Variants in PSME4 observed in about 807,000 individuals in gnomAD.
PSME4 encodes the protein proteasome activator subunit 4.
In PSME4, 89 loss-of-function variants were observed where a neutral mutation model predicts 253.9. The ratio of observed to expected loss-of-function variants is 0.35; its 90% CI spans 0.30 to 0.42. PSME4 has a LOEUF of 0.42. Ranked by LOEUF, PSME4 falls within the 10% of genes least tolerant of loss-of-function variation. The pLI is 1.00. For synonymous variants in PSME4, 851 were observed against 759.2 expected, an observed-to-expected ratio of 1.12 and a Z score of -1.99; for missense variants, 2,014 against 2,195.2, an observed-to-expected ratio of 0.92 and a Z score of 1.65.
chr2:53,952,370 T>C (rs1048688063), intron 1 of PSME4, among the ~76,000 whole-genome samples: 1 of 152,072 alleles, frequency 6.6e-6, no homozygotes, highest in African/African-American at 2.4e-5. Context: ...ATGAAACCCC[T>C]GTCTCTACTA....
chr2:53,922,392 C>T, intron 17 of PSME4, 125 bp downstream of exon 17: 3 of 898,202 alleles, frequency 3.3e-6, no homozygotes, highest in Non-Finnish European at 5.3e-6. Flanking sequence ...CTTCTGAAGC[C>T]TCATCAAATT....
chr2:53,940,980 T>C (rs55778437), intron 3 of PSME4, among the ~76,000 whole-genome samples: 1 of 73,274 alleles, frequency 1.4e-5, no homozygotes, highest in Non-Finnish European at 3.2e-5. Context: ...TATATATATA[T>C]ATATATATAT....
At chr2:53,925,720 C>G in intron 13 of PSME4, 31 bp from the exon 14 acceptor site, 1 of 1,583,320 alleles carries the variant, frequency 6.3e-7, no homozygotes, top group Non-Finnish European at 8.6e-7. Context: ...ATAATTTCAG[C>G]AACTAAAATC....
chr2:53,970,529 C>T lies in PSME4; in HGVS notation c.242+14G>A, dbSNP rs1192403397. 6.5e-7 allele frequency: 1 copy of T among 1,547,864 alleles called. No individual in the cohort carries two copies. Among genetic ancestry groups the T allele is most frequent in the Non-Finnish European group, 8.7e-7 (1 of 1,146,886 alleles). On this transcript the variant is annotated intron_variant, in intron 1 of 46. Coordinates refer to ENST00000404125, the MANE Select transcript of PSME4 (RefSeq NM_014614.3). ...TTTCCCCCCGGCCCGGCCCGCAGGC[C>T]CGGGCACACTTACGTGGAGAGTTTC...
At chr2:53,936,193 T>A (rs769405801) in intron 6 of PSME4, 32 bp from the exon 7 acceptor site, 1 of 1,611,238 alleles carries the variant, frequency 6.2e-7, no homozygotes, top group African/African-American at 1.3e-5. Flanking sequence ...AAAGTTAATA[T>A]ATTTGTTGTT....
chr2:53,893,855 A>G, intron 34 of PSME4, 56 bp from the exon 35 acceptor site: 2 of 1,507,018 alleles, frequency 1.3e-6, no homozygotes, highest in East Asian at 4.8e-5. Flanking sequence ...TAAATACATG[A>G]TTCTGAAAAA....
chr2:53,867,501 G>GAAAAA (rs1223931718), intron 44 of PSME4, among the ~76,000 whole-genome samples: 7 of 113,416 alleles, frequency 6.2e-5, no homozygotes, highest in Non-Finnish European at 6.9e-5. Context: ...TCCGTCTCAA[G>GAAAAA]GAAAAAAAAA....
rs374702990 is a variant in PSME4 at position 53,970,871 on chromosome 2, C to T, written c.-87G>A. On this transcript the variant is annotated 5_prime_UTR_variant, in exon 1 of 47. Coordinates refer to ENST00000404125, the MANE Select transcript of PSME4 (RefSeq NM_014614.3). ...CCGGGCTCCGCCTCCTCCGCGTCTT[C>T]GTCGCCCTGCGGCCGCTGGCGGCCC... is the stretch of plus-strand genomic sequence containing the variant. 9.5e-4 allele frequency: 1,128 copies of T among 1,190,730 alleles called. 25 individuals carry two copies. The South Asian group carries it at 0.018, about 19-fold the overall frequency. 73.8% of individuals were successfully genotyped at this position (1,190,730 alleles called of 1,614,324 possible).
At chr2:53,958,183 CAAAAAA>C (rs1211892917) in intron 1 of PSME4, among the ~76,000 whole-genome samples, 38 of 65,794 alleles carry the variant, frequency 5.8e-4, no homozygotes, top group South Asian at 2.4e-3. Flanking sequence ...AAGACTCTGT[CAAAAAA>C]AAAAAAAAAA....
At chr2:53,892,297 A>C (rs918092243) in intron 36 of PSME4, among the ~76,000 whole-genome samples, 1 of 152,192 alleles carries the variant, frequency 6.6e-6, no homozygotes, top group Non-Finnish European at 1.5e-5. Context: ...TTTGCTAATG[A>C]ACTAACCTTA....
At chr2:53,938,405 T>C (rs887805659) in intron 4 of PSME4, among the ~76,000 whole-genome samples, 12 of 151,864 alleles carry the variant, frequency 7.9e-5, no homozygotes, top group Admixed American at 2.6e-4. Context: ...ATCCAAAGTG[T>C]GCATATACAC....
intron 44 of PSME4, among the ~76,000 whole-genome samples, chr2:53,868,538 ATT>A (rs1491444122): frequency 1.8e-5 from 1 of 55,584 alleles, no homozygotes; most frequent in East Asian, 1.7e-3. Flanking sequence ...TATAATATAT[ATT>A]ATAAATATAT....
At chr2:53,879,331 T>C (rs576368375) in intron 41 of PSME4, among the ~76,000 whole-genome samples, 1 of 152,350 alleles carries the variant, frequency 6.6e-6, no homozygotes, top group Admixed American at 6.5e-5. Flanking sequence ...CCTTGTAGTT[T>C]AGATATCCTA....
At chr2:53,889,926 G>C (rs1267648141) in intron 37 of PSME4, among the ~76,000 whole-genome samples, 178 bp downstream of exon 37, 1 of 152,126 alleles carries the variant, frequency 6.6e-6, no homozygotes, top group Non-Finnish European at 1.5e-5. Flanking sequence ...GATTCAAGAA[G>C]TGAGTTACCT....
chr2:53,882,916 AAT>A (rs1291041876), intron 41 of PSME4, among the ~76,000 whole-genome samples: 3 of 150,876 alleles, frequency 2.0e-5, no homozygotes, highest in African/African-American at 7.3e-5. Context: ...AAAATAAATA[AAT>A]AAGATAAATA....
chr2:53,937,621 G>C, intron 4 of PSME4, 81 bp from the exon 5 acceptor site: 1 of 1,320,014 alleles, frequency 7.6e-7, no homozygotes. Flanking sequence ...TGACCAAAAG[G>C]CTGGGGGAGG....
Position 53,887,483 on chromosome 2 carries a change from C to T in PSME4, c.4521-16G>A, listed in dbSNP as rs1363034881. 1 of 1,589,634 alleles carries T rather than the reference C, an allele frequency of 6.3e-7. No homozygotes were observed. Among genetic ancestry groups the T allele is most frequent in the South Asian group, 1.1e-5 (1 of 89,252 alleles). On this transcript the variant is annotated splice_polypyrimidine_tract_variant and intron_variant, in intron 39 of 46. Coordinates refer to ENST00000404125, the MANE Select transcript of PSME4 (RefSeq NM_014614.3). ...GGTCAGCACACTGCAAAATAAAATA[C>T]TTAATAATAGGAAGAGGTGCCACAT...
At chr2:53,966,802 C>T (rs1054386180) in intron 1 of PSME4, among the ~76,000 whole-genome samples, 29 of 152,004 alleles carry the variant, frequency 1.9e-4, no homozygotes, top group African/African-American at 6.8e-4. Context: ...CAGATTCAAG[C>T]GATTCTCCTG....
At position 53,888,829 on chromosome 2, in the gene PSME4, A is replaced by T. The variant is rs1308429790; in HGVS notation, c.4297-17T>A. 5 of 1,561,008 alleles carry T rather than the reference A, an allele frequency of 3.2e-6. No individual in the cohort carries two copies. Among genetic ancestry groups the T allele is most frequent in the Non-Finnish European group, 4.4e-6 (5 of 1,133,058 alleles). ...TCTGCTTTCCTGTGTTTAAAATATGATGTAACAGTTCAACAGAGAACCTAC... is the reference window on the plus strand; with the variant it reads ...TCTGCTTTCCTGTGTTTAAAATATGTTGTAACAGTTCAACAGAGAACCTAC... On this transcript the variant is annotated splice_polypyrimidine_tract_variant and intron_variant, in intron 37 of 46. Transcript: ENST00000404125.
Sources: allele counts gnomAD v4.1 joint callset (sites outside exome capture counted in the v4.1 genomes callset), GRCh38; gene constraint gnomAD v4.1.1; transcripts MANE v1.5; gene names NCBI Gene and HGNC (gene_info 2026-07-23, HGNC 2026-07-21).